ASH1L: variants seen among roughly 807,000 people sequenced by gnomAD.
ASH1L encodes histone-lysine N-methyltransferase ASH1L.
A neutral mutation model predicts 269.0 loss-of-function variants in ASH1L; 23 were observed. The observed-to-expected ratio is 0.09, with a 90% CI of 0.06 to 0.12. ASH1L has a LOEUF of 0.12. Ranked by LOEUF, ASH1L falls within the 10% of genes least tolerant of loss-of-function variation. The pLI, the probability that ASH1L is intolerant of heterozygous loss-of-function variation, is 1.00. For synonymous variants in ASH1L, 1,187 were observed against 1,253.5 expected (o/e 0.95, Z 1.12); for missense variants, 2,912 against 3,567.8 (o/e 0.82, Z 4.68).
intron 1 of ASH1L, among the ~76,000 whole-genome samples, chr1:155,556,085 C>A (rs1420401293): frequency 1.3e-5 from 2 of 152,122 alleles, no homozygotes; most frequent in Non-Finnish European, 2.9e-5. Context: ...CAATTTGCCA[C>A]ATTAAAGAAA....
chr1:155,416,025 A>C, intron 5 of ASH1L, 102 bp from the exon 6 acceptor site: 1 of 940,560 alleles, frequency 1.1e-6, no homozygotes. Flanking sequence ...AAAAAAAGAG[A>C]TATGGGGACT....
At chr1:155,487,132 T>G (rs1319268993) in intron 2 of ASH1L, among the ~76,000 whole-genome samples, 1 of 152,124 alleles carries the variant, frequency 6.6e-6, no homozygotes, top group Non-Finnish European at 1.5e-5. Flanking sequence ...GCCATTGCAG[T>G]CCAGCCAGGG....
At chr1:155,525,606 T>C (rs1337032467) in intron 1 of ASH1L, among the ~76,000 whole-genome samples, 1 of 152,016 alleles carries the variant, frequency 6.6e-6, no homozygotes, top group Non-Finnish European at 1.5e-5. Context: ...GCAGGGAATT[T>C]TTTTAAAAAG....
At chr1:155,522,466 T>G (rs191545341) in intron 1 of ASH1L, among the ~76,000 whole-genome samples, 1 of 152,322 alleles carries the variant, frequency 6.6e-6, no homozygotes, top group East Asian at 1.9e-4. Context: ...TATAAGAACC[T>G]TAAAAATCAG....
intron 1 of ASH1L, among the ~76,000 whole-genome samples, chr1:155,535,725 T>C (rs1353925478): frequency 1.3e-5 from 2 of 151,600 alleles, no homozygotes; most frequent in Non-Finnish European, 1.5e-5. Context: ...CCAGGCATGG[T>C]GGCTCACACC....
In ASH1L at chr1:155,479,466, T is replaced by C; in HGVS notation, c.3404A>G (p.Tyr1135Cys). 2.5e-6 allele frequency: 4 copies of C among 1,614,140 alleles called. No homozygotes were observed. The highest frequency in any genetic ancestry group is 2.5e-6 in the Non-Finnish European group (3 of 1,180,020). Residue 1135 changes from tyrosine to cysteine, a missense_variant, in exon 3 of 28, where the codon TAT becomes TGT. By Grantham distance (194) the Tyr-to-Cys change is radical (BLOSUM62 -2). Coordinates refer to ENST00000392403, the MANE Select transcript of ASH1L (RefSeq NM_018489.3). Reference protein sequence around the residue: ...AGFVEPSSVPYLHLHSRQGSM... With the variant: ...AGFVEPSSVPCLHLHSRQGSM... ...GCCCTGTCTGGAGTGTAAATGCAAA[T>C]ATGGCACTGAACTGGGTTCAACAAA...
At chr1:155,463,614 G>A (rs1165892557) in intron 3 of ASH1L, among the ~76,000 whole-genome samples, 2 of 151,790 alleles carry the variant, frequency 1.3e-5, no homozygotes, top group East Asian at 1.9e-4. Flanking sequence ...ACAATATGGC[G>A]AAACTCAGTC....
At chr1:155,518,108 T>A (rs1668626093) in intron 2 of ASH1L, among the ~76,000 whole-genome samples, 1 of 152,166 alleles carries the variant, frequency 6.6e-6, no homozygotes, top group Non-Finnish European at 1.5e-5. Flanking sequence ...CCCAATAATT[T>A]CTTTAACAAA....
intron 4 of ASH1L, 65 bp from the exon 5 acceptor site, chr1:155,439,133 TAC>T: frequency 6.7e-7 from 1 of 1,487,162 alleles, no homozygotes; most frequent in Non-Finnish European, 9.1e-7. Context: ...AATAAGTTTT[TAC>T]ACAGATAAAA....
intron 5 of ASH1L, among the ~76,000 whole-genome samples, chr1:155,425,741 G>A (rs1054706952): frequency 2.6e-5 from 4 of 151,530 alleles, no homozygotes; most frequent in African/African-American, 9.7e-5. Flanking sequence ...GCCAAGCAGG[G>A]CTAATTTTTT....
chr1:155,431,901 C>T (rs1173837130), intron 5 of ASH1L, among the ~76,000 whole-genome samples: 2 of 152,110 alleles, frequency 1.3e-5, no homozygotes, highest in Non-Finnish European at 2.9e-5. Context: ...AGGTGTGAGC[C>T]ACCACACCTG....
At chr1:155,543,446 G>T (rs1419610710) in intron 1 of ASH1L, among the ~76,000 whole-genome samples, 1 of 141,244 alleles carries the variant, frequency 7.1e-6, no homozygotes, top group Non-Finnish European at 1.5e-5. Context: ...GGAGGCAGAG[G>T]TTGCAGTGAG....
Position 155,479,423 on chromosome 1 carries a change from A to G in ASH1L, c.3447T>C (p.Leu1149=), listed in dbSNP as rs1285900236. 5.6e-6 allele frequency: 9 copies of G among 1,614,150 alleles called. No homozygotes were observed. Among genetic ancestry groups the G allele is most frequent in the Non-Finnish European group, 7.6e-6 (9 of 1,180,006 alleles). The stretch of plus-strand genomic sequence containing the variant: ...TCCCCTTTGAGGCCTTCTTCATTGC[A>G]AGAGTCTGAATCATACTGCCCTGTC... ...HSRQGSMIQT[L]AMKKASKGRR... Residue 1149 remains leucine, a synonymous_variant, in exon 3 of 28, where the codon CTT becomes CTC. Coordinates refer to ENST00000392403, the MANE Select transcript of ASH1L (RefSeq NM_018489.3).
intron 7 of ASH1L, 57 bp from the exon 8 acceptor site, chr1:155,380,173 G>A (rs758615866): frequency 1.5e-6 from 2 of 1,324,238 alleles, no homozygotes; most frequent in East Asian, 4.6e-5. Flanking sequence ...CTTATACAAA[G>A]GTGTCAAACA....
At chr1:155,380,182 C>G (rs112189409) in intron 7 of ASH1L, 66 bp from the exon 8 acceptor site, 8 of 1,226,420 alleles carry the variant, frequency 6.5e-6, no homozygotes, top group African/African-American at 3.0e-5. Context: ...AGGTGTCAAA[C>G]AGCTACAAGA....
intron 7 of ASH1L, among the ~76,000 whole-genome samples, chr1:155,382,866 C>T (rs1427051066): frequency 1.3e-5 from 2 of 152,134 alleles, no homozygotes; most frequent in Non-Finnish European, 2.9e-5. Context: ...GCTGGCACTA[C>T]AGGCATGTGC....
chr1:155,424,608 T>C (rs1047513474), intron 5 of ASH1L, among the ~76,000 whole-genome samples: 67 of 152,050 alleles, frequency 4.4e-4, no homozygotes, highest in African/African-American at 1.6e-3. Flanking sequence ...GGTTTCTCCA[T>C]GTTGGTCAGG....
intron 1 of ASH1L, 36 bp downstream of exon 1, chr1:155,562,117 T>C (rs1344107708): frequency 1.5e-6 from 2 of 1,360,696 alleles, no homozygotes; most frequent in Non-Finnish European, 2.1e-6. Context: ...GAGAGAGTGC[T>C]TAGGCCCGAA....
Position 155,480,690 on chromosome 1 carries a change from G to T in ASH1L, c.2180C>A (p.Thr727Lys). Reference sequence around the variant, plus strand: ...TTCTAGCCCTTTTGGAGACCGGCATGTGCTTCTTGCCACCACTTTAGTCCA... The same window carrying T: ...TTCTAGCCCTTTTGGAGACCGGCATTTGCTTCTTGCCACCACTTTAGTCCA... Reference protein sequence around the residue: ...PRWTKVVARSTCRSPKGLELE... With the variant: ...PRWTKVVARSKCRSPKGLELE... The change falls in exon 3 of 28, where the codon ACA becomes AAA. Residue 727 changes from threonine (T) to lysine (K), a missense_variant. By Grantham distance (78) the Thr-to-Lys change is moderately conservative. Coordinates refer to ENST00000392403, the MANE Select transcript of ASH1L (RefSeq NM_018489.3). The T allele has an allele frequency of 3.1e-6, 5 of 1,613,666 alleles. No individual in the cohort carries two copies. The highest frequency in any genetic ancestry group is 4.2e-6 in the Non-Finnish European group (5 of 1,179,942).
Sources: gnomAD v4.1 joint callset for allele counts (sites outside exome capture counted in the v4.1 genomes callset) on GRCh38, gnomAD v4.1.1 for gene constraint, MANE v1.5 for transcripts, NCBI Gene and HGNC (gene_info 2026-07-23, HGNC 2026-07-21) for gene names.